The following KHDRBS1 variants were observed in gnomAD, a reference collection of about 807,000 sequenced individuals.
The protein encoded by KHDRBS1 is KH RNA binding domain containing, signal transduction associated 1, also known as KH domain-containing, RNA-binding, signal transduction-associated protein 1.
In KHDRBS1, 7 loss-of-function variants were observed where a neutral mutation model predicts 48.4. The ratio of observed to expected loss-of-function variants is 0.14; its 90% CI spans 0.08 to 0.27. The LOEUF (loss-of-function observed/expected upper bound fraction) is 0.27. Ranked by LOEUF, KHDRBS1 falls within the 10% of genes least tolerant of loss-of-function variation. The pLI is 1.00. For synonymous variants in KHDRBS1, 241 were observed against 235.8 expected, an observed-to-expected ratio of 1.02 and a Z score of -0.20; for missense variants, 458 against 601.2, an observed-to-expected ratio of 0.76 and a Z score of 2.49.
rs1639059102 is a variant in KHDRBS1, at chr1:32,030,408, A to G, written c.493A>G (p.Lys165Glu). ...KLKERVLIPV[K>E]QYPKFNFVGK... is the part of the protein sequence containing the mutation. ...GAAAGAGCGAGTGCTGATACCTGTCAAGCAGTATCCCAAGGTAAGGCAAAA... is the reference window on the plus strand; with the variant it reads ...GAAAGAGCGAGTGCTGATACCTGTCGAGCAGTATCCCAAGGTAAGGCAAAA... The change falls in exon 2 of 9, where the codon AAG (lysine) becomes GAG (glutamate). Residue 165 changes from lysine to glutamate, a missense_variant. Physicochemically the swap from Lys to Glu is moderately conservative, Grantham distance 56. Around this residue, in one of 3 missense-constraint regions of KHDRBS1, gnomAD observed 74 missense variants for 156.9 expected, o/e 0.47. Transcript: ENST00000327300. 1 of 1,608,612 alleles carries G rather than the reference A, an allele frequency of 6.2e-7. No individual in the cohort carries two copies. The highest frequency in any genetic ancestry group is 8.5e-7 in the Non-Finnish European group (1 of 1,178,038).
intron 4 of KHDRBS1, among the ~76,000 whole-genome samples, chr1:32,035,219 G>A (rs1375445698): frequency 6.6e-6 from 1 of 152,050 alleles, no homozygotes; most frequent in East Asian, 1.9e-4. Context: ...GCTTGTAAGT[G>A]AATCTTTTGA....
downstream of KHDRBS1, among the ~76,000 whole-genome samples, chr1:32,048,847 A>G (rs976992737): frequency 6.6e-6 from 1 of 152,020 alleles, no homozygotes; most frequent in African/African-American, 2.4e-5. Flanking sequence ...CATGCCTTTT[A>G]TCTGTCTTCC....
At position 32,043,703 on chromosome 1, in the gene KHDRBS1, A is replaced by G. The variant is rs1383256464; in HGVS notation, c.*1079A>G. On this transcript the variant is annotated 3_prime_UTR_variant, in exon 9 of 9. Coordinates refer to ENST00000327300, the MANE Select transcript of KHDRBS1 (RefSeq NM_006559.3). ...GACACTGCAGCTGAATGAAAAAGGA[A>G]TCAAAATCCACTTTGTACATAAGTT... 1 of 152,640 alleles carries G rather than the reference A, an allele frequency of 6.6e-6. No individual in the cohort carries two copies. Among genetic ancestry groups the G allele is most frequent in the African/African-American group, 2.4e-5 (1 of 41,462 alleles). 9.5% of individuals were successfully genotyped at this position (152,640 alleles called of 1,614,324 possible). A position where few individuals can be genotyped will look rare whatever the true frequency, so the allele number is the denominator to read the frequency against.
At chr1:32,020,164 C>A (rs1460693758) in intron 1 of KHDRBS1, among the ~76,000 whole-genome samples, 22 of 152,056 alleles carry the variant, frequency 1.4e-4, no homozygotes, top group Admixed American at 1.4e-3. Flanking sequence ...AATCCCAGGA[C>A]TTTGGGAGGC....
At chr1:32,058,864 A>G (rs1014211691) in intron 10 of KHDRBS1, among the ~76,000 whole-genome samples, 3 of 152,300 alleles carry the variant, frequency 2.0e-5, no homozygotes, top group South Asian at 2.1e-4. Context: ...AATGAATTCA[A>G]GAACTTTTGT....
Position 32,037,904 on chromosome 1 carries a change from A to C in KHDRBS1, c.975A>C (p.Arg325Ser). Residue 325 changes from arginine (R) to serine (S), a missense_variant, in exon 6 of 9, where the codon AGA (arginine) becomes AGC (serine). By Grantham distance (110) the Arg-to-Ser change is moderately radical. Transcript: ENST00000327300. ...CACCAGTAAGGGGAGCCATCACCAG[A>C]GGTGCCACTGTGACTCGAGGCGTGC... The part of the protein sequence containing the change: ...RGTPVRGAIT[R>S]GATVTRGVPP... The C allele has an allele frequency of 6.2e-7, 1 of 1,614,252 alleles. No homozygotes were observed. The highest frequency in any genetic ancestry group is 2.2e-5 in the East Asian group (1 of 44,890).
intron 4 of KHDRBS1, among the ~76,000 whole-genome samples, chr1:32,033,575 A>T (rs941797804): frequency 1.3e-5 from 2 of 152,180 alleles, no homozygotes; most frequent in African/African-American, 4.8e-5. Context: ...GTATCTTGTC[A>T]GTATCTCGGG....
intron 8 of KHDRBS1, among the ~76,000 whole-genome samples, chr1:32,041,136 T>C (rs1639276679): frequency 6.6e-6 from 1 of 152,198 alleles, no homozygotes; most frequent in African/African-American, 2.4e-5. Context: ...TAATCCGTTC[T>C]GATCTCTGCT....
rs561352403 is a variant in KHDRBS1 at position 32,053,809 on chromosome 1, G to A, written n.1302-6354G>A. ...ATATAAAACATTCACCAGGCCGGGT[G>A]CAGTGGCTCACACGTGTAATCCTAG... On this transcript the variant is annotated intron_variant and non_coding_transcript_variant, in intron 10 of 10. Coordinates refer to the KHDRBS1 transcript ENST00000484270. 5.3e-5 allele frequency among the ~76,000 whole-genome samples: 8 copies of A among 152,342 alleles called. No homozygotes were observed. The South Asian group carries it at 1.4e-3, about 28-fold the overall frequency.
At chr1:32,042,474 T>C (rs1434058542) in intron 8 of KHDRBS1, 53 bp from the exon 9 acceptor site, 4 of 1,201,942 alleles carry the variant, frequency 3.3e-6, no homozygotes, top group Non-Finnish European at 4.9e-6. Context: ...TCCCTGCTTA[T>C]CCCTAAGTGC....
chr1:32,017,600 C>CTTTTTGTATT (rs1638767904), intron 1 of KHDRBS1, among the ~76,000 whole-genome samples: 1 of 73,820 alleles, frequency 1.4e-5, no homozygotes, highest in African/African-American at 5.3e-5. Context: ...TCTTTTTCTA[C>CTTTTTGTATT]TTTTTTTTTT....
chr1:32,030,211 A>C (rs879234474), intron 1 of KHDRBS1, 87 bp from the exon 2 acceptor site: 2 of 1,083,876 alleles, frequency 1.8e-6, no homozygotes, highest in East Asian at 2.5e-5. Context: ...TGGTTTCACT[A>C]TATGGTATTC....
chr1:32,018,266 C>G (rs1303060716), intron 1 of KHDRBS1, among the ~76,000 whole-genome samples: 3 of 151,488 alleles, frequency 2.0e-5, no homozygotes, highest in African/African-American at 7.3e-5. Context: ...CGAGACCAGC[C>G]TGGCCAACGT....
intron 8 of KHDRBS1, among the ~76,000 whole-genome samples, chr1:32,042,191 C>T (rs1460659301): frequency 2.0e-5 from 3 of 152,184 alleles, no homozygotes; most frequent in Admixed American, 6.5e-5. Context: ...TTAATGAGTT[C>T]CTCACTATCT....
At chr1:32,036,462 C>T (rs1293519024) in intron 4 of KHDRBS1, among the ~76,000 whole-genome samples, 3 of 152,124 alleles carry the variant, frequency 2.0e-5, no homozygotes, top group Admixed American at 2.0e-4. Context: ...AGCCACTGCA[C>T]CCGGCCCTCA....
rs540619371 is a variant in KHDRBS1 at position 32,014,729 on chromosome 1, C to G, written c.382+352C>G. Among the ~76,000 whole-genome samples the G allele has an allele frequency of 3.9e-5, 6 of 152,336 alleles. No homozygotes were observed. The South Asian group carries it at 1.2e-3, about 32-fold the overall frequency. Reference sequence around the variant, plus strand: ...AATGAACCTTCATTTCCCCCTTTCCCTGAAGGGAAACCCTTTTTGATCGCG... The same window carrying G: ...AATGAACCTTCATTTCCCCCTTTCCGTGAAGGGAAACCCTTTTTGATCGCG... On this transcript the variant is annotated intron_variant, in intron 1 of 8. Transcript: ENST00000327300.
At chr1:32,017,984 C>G (rs1360748806) in intron 1 of KHDRBS1, among the ~76,000 whole-genome samples, 1 of 152,128 alleles carries the variant, frequency 6.6e-6, no homozygotes, top group African/African-American at 2.4e-5. Context: ...AATAGATTAG[C>G]AATCTGCAAA....
rs1014672870 is a variant in KHDRBS1, at chr1:32,014,190, G to A, written c.195G>A (p.Pro65=). 2.2e-6 allele frequency: 3 copies of A among 1,350,096 alleles called. No individual in the cohort carries two copies. Among genetic ancestry groups the A allele is most frequent in the African/African-American group, 3.0e-5 (2 of 65,780 alleles). 83.6% of individuals were successfully genotyped at this position (1,350,096 alleles called of 1,614,324 possible). A position where few individuals can be genotyped will look rare whatever the true frequency, so the allele number is the denominator to read the frequency against. ...CCTCGCCCGCCACGCAGCCGCCACCGCTGCTGCCGCCCTCGGCCACGGGTC... is the reference window on the plus strand; with the variant it reads ...CCTCGCCCGCCACGCAGCCGCCACCACTGCTGCCGCCCTCGGCCACGGGTC... ...ARASPATQPP[P]LLPPSATGPD... is the part of the protein sequence containing the mutation. The change falls in exon 1 of 9, where the codon CCG becomes CCA. Residue 65 remains proline, a synonymous_variant. Coordinates refer to ENST00000327300, the MANE Select transcript of KHDRBS1 (RefSeq NM_006559.3).
In KHDRBS1 at chr1:32,037,055, GGA is replaced by G; in HGVS notation, c.905+15_905+16del. Reference sequence around the variant, plus strand: ...CCACCTGTTCCCAGGTAAAAATAATGGAGACACCCAGAAATAGGATGTGAATT... The same window carrying G: ...CCACCTGTTCCCAGGTAAAAATAATGGACACCCAGAAATAGGATGTGAATT... On this transcript the variant is annotated intron_variant, in intron 5 of 8. Transcript: ENST00000327300. 6.2e-7 allele frequency: 1 copy of G among 1,612,216 alleles called. No homozygotes were observed.
Sources: allele counts gnomAD v4.1 joint callset (sites outside exome capture counted in the v4.1 genomes callset), GRCh38; gene constraint gnomAD v4.1.1; regional missense constraint gnomAD v4.1.1; transcripts MANE v1.5; gene names NCBI Gene and HGNC (gene_info 2026-07-23, HGNC 2026-07-21).